Variants in PPP1R26 observed in about 807,000 individuals in gnomAD.
The protein encoded by PPP1R26 is 1A6/DRIM (down-regulated in metastasis) interacting protein.
A neutral mutation model predicts 67.6 loss-of-function variants in PPP1R26; 22 were observed. That is an observed-to-expected ratio of 0.33 (90% CI 0.23 to 0.46). The LOEUF is 0.46. PPP1R26 is among the 20% of genes least tolerant of loss of function. The pLI is 1.00. For missense variants in PPP1R26, 1,602 were observed against 1,651.4 expected, an observed-to-expected ratio of 0.97 and a Z score of 0.52; for synonymous variants, 729 against 717.2, an observed-to-expected ratio of 1.02 and a Z score of -0.26.
upstream of PPP1R26, chr9:135,479,676 C>G (rs1310372634): frequency 6.9e-6 from 1 of 145,814 alleles, no homozygotes; most frequent in East Asian, 2.0e-4. The surrounding 1 kb of genome is among the most constrained non-coding windows in gnomAD (Gnocchi z 5.9). Context: ...CCCATGATGC[C>G]CAGCCACGGG....
In PPP1R26 at chr9:135,488,013, T is replaced by G; in HGVS notation, c.3503T>G (p.Leu1168Ter). Residue 1168 changes from leucine to a stop codon, truncating the protein, a stop_gained, in exon 4 of 4, where the codon TTA (leucine) becomes TGA (stop). Transcript: ENST00000356818. LOFTEE classifies it high-confidence loss of function. ...RRSSGSEESI[L>*]DLRYRRRVNR... ...AGCTCGGGCTCGGAGGAAAGCATTT[T>G]AGACCTGAGGTATCGACGAAGGGTC... The G allele has an allele frequency of 6.2e-7, 1 of 1,611,924 alleles. No individual in the cohort carries two copies. The highest frequency in any genetic ancestry group is 8.5e-7 in the Non-Finnish European group (1 of 1,179,162).
At chr9:135,481,350 C>T (rs778399295) in intron 1 of PPP1R26, among the ~76,000 whole-genome samples, 15 of 150,386 alleles carry the variant, frequency 1.0e-4, no homozygotes, top group Admixed American at 2.0e-4. Context: ...AAGCGATTCT[C>T]GTGCCTCAGC....
Position 135,488,254 on chromosome 9 carries a change from A to G in PPP1R26, c.*114A>G. The G allele has an allele frequency of 3.0e-6, 4 of 1,326,798 alleles. No homozygotes were observed. Among genetic ancestry groups the G allele is most frequent in the Non-Finnish European group, 3.9e-6 (4 of 1,031,766 alleles). The allele number at this position is 1,326,798 out of a possible 1,614,324, so 82.2% of individuals were successfully genotyped here. ...AAGGAAGGGAAACAGTCTATTATAC[A>G]TAGCCCTGTATATATGTACACCAAC... is the stretch of plus-strand genomic sequence containing the variant. On this transcript the variant is annotated 3_prime_UTR_variant, in exon 4 of 4. Coordinates refer to ENST00000356818, the MANE Select transcript of PPP1R26 (RefSeq NM_014811.5).
chr9:135,488,230 A>T lies in PPP1R26; in HGVS notation c.*90A>T. The T allele has an allele frequency of 6.9e-7, 1 of 1,440,092 alleles. No individual in the cohort carries two copies. The highest frequency in any genetic ancestry group is 1.7e-5 in the South Asian group (1 of 57,458). The allele number at this position is 1,440,092 out of a possible 1,614,324, so 89.2% of individuals were successfully genotyped here. A position where few individuals can be genotyped will look rare whatever the true frequency, so the allele number is the denominator to read the frequency against. ...TGTGTGTGATGGTTCCGTGGCTGCA[A>T]GGAAGGGAAACAGTCTATTATACAT... is the stretch of plus-strand genomic sequence containing the variant. On this transcript the variant is annotated 3_prime_UTR_variant, in exon 4 of 4. Coordinates refer to ENST00000356818, the MANE Select transcript of PPP1R26 (RefSeq NM_014811.5).
intron 1 of PPP1R26, chr9:135,480,810 G>C (rs1183322944): frequency 6.6e-6 from 1 of 152,408 alleles, no homozygotes; most frequent in Non-Finnish European, 1.5e-5. Flanking sequence ...TGGCTGGAGC[G>C]GGTCCTCCTG....
rs1394413695 is a variant in PPP1R26 at position 135,485,848 on chromosome 9, C to T, written c.1338C>T (p.Ala446=). The T allele has an allele frequency of 6.2e-6, 10 of 1,613,234 alleles. No individual in the cohort carries two copies. Among genetic ancestry groups the T allele is most frequent in the Admixed American group, 1.7e-5 (1 of 59,996 alleles). ...CAGGGGGCCTGGACACTGACCATGC[C>T]CCCAAGCTCCTGAAGGAAACCAAAG... is the stretch of plus-strand genomic sequence containing the variant. The part of the protein sequence containing the change: ...PGPGGLDTDH[A]PKLLKETKAP... Residue 446 remains alanine, a synonymous_variant, in exon 4 of 4, where the codon GCC becomes GCT. Coordinates refer to ENST00000356818, the MANE Select transcript of PPP1R26 (RefSeq NM_014811.5). The surrounding 1 kb of genome is among the most constrained non-coding windows in gnomAD (Gnocchi z 7.2).
In PPP1R26 at chr9:135,487,324, G is replaced by A. The variant is rs774847952; in HGVS notation, c.2814G>A (p.Pro938=). ...PAAPARGDPV[P]PRSTSGGVSA... ...CTCCTGCCCGAGGGGATCCGGTGCC[G>A]CCCAGGAGCACCAGCGGCGGTGTCT... Residue 938 remains proline (P), a synonymous_variant, in exon 4 of 4, where the codon CCG becomes CCA. Transcript: ENST00000356818. The A allele has an allele frequency of 3.0e-5, 47 of 1,555,082 alleles. No individual in the cohort carries two copies. Among genetic ancestry groups the A allele is most frequent in the Middle Eastern group, 3.7e-4 (2 of 5,440 alleles).
At chr9:135,479,371 T>A (rs1830431529), upstream of PPP1R26, among the ~76,000 whole-genome samples, 1 of 151,468 alleles carries the variant, frequency 6.6e-6, no homozygotes, top group Admixed American at 6.6e-5. This position sits in a 1 kb window ranked among gnomAD's most constrained non-coding sequence, Gnocchi z 5.9. Flanking sequence ...CACGCTCCCT[T>A]CCCGCGGCTC....
rs771674653 is a variant in PPP1R26, at chr9:135,485,148, C to T, written c.638C>T (p.Pro213Leu). 2 of 1,612,908 alleles carry T rather than the reference C, an allele frequency of 1.2e-6. No individual in the cohort carries two copies. The highest frequency in any genetic ancestry group is 1.7e-6 in the Non-Finnish European group (2 of 1,179,866). The change falls in exon 4 of 4, where the codon CCG becomes CTG. Residue 213 changes from proline (P) to leucine (L), a missense_variant. By Grantham distance (98) the Pro-to-Leu change is moderately conservative (BLOSUM62 -3). This residue lies in a region of PPP1R26 where 680 missense variants were observed against 726.1 expected (regional missense o/e 0.94). Transcript: ENST00000356818. This position sits in a 1 kb window ranked among gnomAD's most constrained non-coding sequence, Gnocchi z 7.2. ...GSSKDQGSAS[P>L]VSVSSDDSFE... is the part of the protein sequence containing the mutation. ...AGCAAGGACCAGGGCTCCGCCTCCC[C>T]GGTCAGTGTGAGCAGCGATGACTCC... is the stretch of plus-strand genomic sequence containing the variant.
At chr9:135,481,276 TTGTCGCCCAGGC>T (rs1830511805) in intron 1 of PPP1R26, among the ~76,000 whole-genome samples, 1 of 151,240 alleles carries the variant, frequency 6.6e-6, no homozygotes, top group African/African-American at 2.4e-5. Context: ...GAGTCTCGCT[TTGTCGCCCAGGC>T]TGGAGTGCAA....
Position 135,487,937 on chromosome 9 carries a change from C to A in PPP1R26, c.3427C>A (p.Pro1143Thr). The A allele has an allele frequency of 1.3e-6, 2 of 1,586,730 alleles. No individual in the cohort carries two copies. The highest frequency in any genetic ancestry group is 2.3e-5 in the South Asian group (2 of 87,262). ...CTTGCTGGCAAAGAAGGACGGCGGC[C>A]CCTGGCCAACCAGGAAGGCACAGGC... ...PHLLAKKDGG[P>T]WPTRKAQAGL... Residue 1143 changes from proline (P) to threonine (T), a missense_variant, in exon 4 of 4, where the codon CCC (proline) becomes ACC (threonine). Physicochemically the swap from Pro to Thr is conservative, Grantham distance 38. Around this residue, in one of 5 missense-constraint regions of PPP1R26, gnomAD observed 740 missense variants for 696.3 expected, o/e 1.06. Transcript: ENST00000356818.
In PPP1R26 at chr9:135,484,751, G is replaced by A. The variant is rs150450440; in HGVS notation, c.241G>A (p.Ala81Thr). 2.9e-3 allele frequency: 4,660 copies of A among 1,610,108 alleles called. 15 individuals are homozygous for A. Among genetic ancestry groups the A allele is most frequent in the Admixed American group, 3.5e-3 (212 of 59,942 alleles). Residue 81 changes from alanine to threonine, a missense_variant, in exon 4 of 4, where the codon GCC (alanine) becomes ACC (threonine). By Grantham distance (58) the Ala-to-Thr change is moderately conservative. This residue lies in a region of PPP1R26 where 168 missense variants were observed against 176.1 expected (regional missense o/e 0.95). Coordinates refer to ENST00000356818, the MANE Select transcript of PPP1R26 (RefSeq NM_014811.5). ...RGHRAEGCHDARPAAKPTVHK... is the reference protein window; with the variant it reads ...RGHRAEGCHDTRPAAKPTVHK... ...CCACAGGGCAGAGGGATGCCACGAC[G>A]CCAGGCCGGCTGCCAAGCCCACCGT...
rs549510044 is a variant in PPP1R26, at chr9:135,487,343, G to A, written c.2833G>A (p.Gly945Ser). ...DPVPPRSTSG[G>S]VSAKGLSVSR... ...GGTGCCGCCCAGGAGCACCAGCGGC[G>A]GTGTCTCCGCCAAGGGGCTCTCAGT... is the stretch of plus-strand genomic sequence containing the variant. The change falls in exon 4 of 4, where the codon GGT (glycine) becomes AGT (serine). Residue 945 changes from glycine to serine, a missense_variant. Gly to Ser is a moderately conservative substitution (Grantham distance 56). This residue lies in a region of PPP1R26 where 740 missense variants were observed against 696.3 expected (regional missense o/e 1.06). Transcript: ENST00000356818. 44 of 1,552,714 alleles carry A rather than the reference G, an allele frequency of 2.8e-5. No homozygotes were observed. The South Asian group carries it at 4.2e-4, about 15-fold the overall frequency.
Position 135,484,520 on chromosome 9 carries a change from A to C in PPP1R26, c.10A>C (p.Met4Leu). The C allele has an allele frequency of 5.0e-6, 8 of 1,595,900 alleles. No individual in the cohort carries two copies. The highest frequency in any genetic ancestry group is 6.0e-6 in the Non-Finnish European group (7 of 1,174,514). The change falls in exon 4 of 4, where the codon ATG becomes CTG. Residue 4 changes from methionine (M) to leucine (L), a missense_variant. Physicochemically the swap from Met to Leu is conservative, Grantham distance 15. This residue lies in a region of PPP1R26 where 168 missense variants were observed against 176.1 expected (regional missense o/e 0.95). Transcript: ENST00000356818. Reference sequence around the variant, plus strand: ...CTCCCCGTCTGCTAGAATGTTTCTCATGAACGCTTCTCCAGTGGTTGCTCT... The same window carrying C: ...CTCCCCGTCTGCTAGAATGTTTCTCCTGAACGCTTCTCCAGTGGTTGCTCT... MFL[M>L]NASPVVALQS...
upstream of PPP1R26, among the ~76,000 whole-genome samples, chr9:135,479,287 G>A (rs1046247195): frequency 5.3e-5 from 8 of 151,914 alleles, no homozygotes; most frequent in Non-Finnish European, 1.0e-4. This position sits in a 1 kb window ranked among gnomAD's most constrained non-coding sequence, Gnocchi z 5.9. Context: ...GGGGCTGGAG[G>A]GGCGGGCGGG....
rs1420040088 is a variant in PPP1R26, at chr9:135,487,360, G to C, written c.2850G>C (p.Gly950=). The change falls in exon 4 of 4, where the codon GGG becomes GGC. Residue 950 remains glycine (G), a synonymous_variant. Transcript: ENST00000356818. ...RSTSGGVSAK[G]LSVSRRNVYV... ...CCAGCGGCGGTGTCTCCGCCAAGGG[G>C]CTCTCAGTGAGCAGGAGAAATGTTT... 1.3e-6 allele frequency: 2 copies of C among 1,557,530 alleles called. No individual in the cohort carries two copies. Among genetic ancestry groups the C allele is most frequent in the South Asian group, 2.4e-5 (2 of 82,610 alleles).
Position 135,485,227 on chromosome 9 carries a change from G to A in PPP1R26, c.717G>A (p.Gln239=). ...AACAGTTTCTGAATGAGAAGAGACA[G>A]CATGAGACCCAAAAATGTGATGGGT... ...EIEQFLNEKR[Q]HETQKCDGSV... is the part of the protein sequence containing the mutation. Residue 239 remains glutamine, a synonymous_variant, in exon 4 of 4, where the codon CAG becomes CAA. Transcript: ENST00000356818. This position sits in a 1 kb window ranked among gnomAD's most constrained non-coding sequence, Gnocchi z 7.2. The A allele has an allele frequency of 1.2e-6, 2 of 1,612,904 alleles. No individual in the cohort carries two copies. The highest frequency in any genetic ancestry group is 1.7e-6 in the Non-Finnish European group (2 of 1,179,898).
chr9:135,488,084 G>T lies in PPP1R26; in HGVS notation c.3574G>T (p.Asp1192Tyr). 6.4e-7 allele frequency: 1 copy of T among 1,569,192 alleles called. No homozygotes were observed. Among genetic ancestry groups the T allele is most frequent in the South Asian group, 1.2e-5 (1 of 83,086 alleles). Residue 1192 changes from aspartate (D) to tyrosine (Y), a missense_variant, in exon 4 of 4, where the codon GAC becomes TAC. Asp to Tyr is a radical substitution (Grantham distance 160). Around this residue, in one of 5 missense-constraint regions of PPP1R26, gnomAD observed 740 missense variants for 696.3 expected, o/e 1.06. Transcript: ENST00000356818. ...EQDALGSDAS[D>Y]FSDTSTEDSG... is the part of the protein sequence containing the mutation. ...GGACGCCTTGGGCAGTGACGCCAGT[G>T]ACTTCAGCGACACCTCCACGGAGGA...
rs150554121 is a variant in PPP1R26, at chr9:135,485,104, C to T, written c.594C>T (p.Pro198=). ...PKLVPGSGGG[P]GSQVGSSKDQ... is the part of the protein sequence containing the mutation. ...TTGTACCTGGATCAGGTGGTGGCCC[C>T]GGCAGCCAGGTGGGATCCAGCAAGG... Residue 198 remains proline, a synonymous_variant, in exon 4 of 4, where the codon CCC becomes CCT. Coordinates refer to ENST00000356818, the MANE Select transcript of PPP1R26 (RefSeq NM_014811.5). The surrounding 1 kb of genome is among the most constrained non-coding windows in gnomAD (Gnocchi z 7.2). 7.7e-5 allele frequency: 124 copies of T among 1,612,318 alleles called. 1 individual carries two copies. In the African/African-American group the frequency reaches 9.9e-4, roughly 13 times the overall value.
Sources: allele counts gnomAD v4.1 joint callset (sites outside exome capture counted in the v4.1 genomes callset), GRCh38; gene constraint gnomAD v4.1.1; regional missense constraint gnomAD v4.1.1; non-coding constraint Gnocchi (gnomAD v3.1); transcripts MANE v1.5; gene names NCBI Gene and HGNC (gene_info 2026-07-23, HGNC 2026-07-21).